The following CNGB3 variants were observed in gnomAD, a reference collection of about 807,000 sequenced individuals.
The protein encoded by CNGB3 is cyclic nucleotide gated channel subunit beta 3, also known as cyclic nucleotide-gated channel beta-3.
CNGB3 carries 86 observed loss-of-function variants against 92.8 expected under a neutral mutation model. The ratio of observed to expected loss-of-function variants is 0.93; its 90% CI spans 0.78 to 1.11. CNGB3 has a LOEUF of 1.11. CNGB3 is among the 50% of genes least tolerant of loss of function. The pLI is 0.00. For synonymous variants in CNGB3, 333 were observed against 332.7 expected (o/e 1.00, Z -0.01); for missense variants, 1,026 against 956.8 (o/e 1.07, Z -0.95).
chr8:86,661,669 CTCT>C (rs1554613573), intron 6 of CNGB3: 1 of 930,590 alleles, frequency 1.1e-6, no homozygotes, highest in Non-Finnish European at 1.8e-6. Flanking sequence ...CTCCAGCCAT[CTCT>C]TCTTCCTCTT....
chr8:86,711,791 T>C (rs1824755460), intron 3 of CNGB3, among the ~76,000 whole-genome samples: 1 of 150,742 alleles, frequency 6.6e-6, no homozygotes, highest in African/African-American at 2.4e-5. Context: ...AAAGCACAGA[T>C]GGAGGCTCTA....
chr8:86,634,890 A>G (rs751416347), intron 10 of CNGB3, among the ~76,000 whole-genome samples: 10 of 152,030 alleles, frequency 6.6e-5, no homozygotes, highest in Non-Finnish European at 1.5e-4. Context: ...GTTGAAGTTA[A>G]TATTCAAATA....
intron 6 of CNGB3, chr8:86,658,617 C>A (rs1010684852): frequency 5.7e-6 from 2 of 352,246 alleles, no homozygotes; most frequent in South Asian, 5.8e-5. Flanking sequence ...GTACTGATCT[C>A]ACTACTGCTG....
chr8:86,586,146 T>A (rs1445283870), intron 15 of CNGB3, among the ~76,000 whole-genome samples: 1 of 152,040 alleles, frequency 6.6e-6, no homozygotes, highest in Non-Finnish European at 1.5e-5. Flanking sequence ...TAGGAGTACA[T>A]AGAAATAGCA....
intron 15 of CNGB3, among the ~76,000 whole-genome samples, chr8:86,600,866 G>A (rs1034816465): frequency 3.1e-5 from 4 of 129,058 alleles, no homozygotes; most frequent in Non-Finnish European, 6.2e-5. Flanking sequence ...TCCAGGCCTT[G>A]TGATCTACCC....
At chr8:86,658,443 G>A (rs1823563372) in intron 6 of CNGB3, 3 of 421,172 alleles carry the variant, frequency 7.1e-6, no homozygotes, top group African/African-American at 6.3e-5. Flanking sequence ...GTGCTCCTGG[G>A]TCTCCTGCAA....
intron 6 of CNGB3, chr8:86,659,679 A>C: frequency 2.3e-6 from 1 of 435,402 alleles, no homozygotes; most frequent in Non-Finnish European, 4.5e-6. Flanking sequence ...ACTGCCTGGC[A>C]GCATGCTGAG....
intron 1 of CNGB3, among the ~76,000 whole-genome samples, chr8:86,741,574 G>A (rs1477517876): frequency 6.6e-6 from 1 of 152,010 alleles, no homozygotes; most frequent in Non-Finnish European, 1.5e-5. Flanking sequence ...GCTGAGGCAG[G>A]AGAATCGTTT....
chr8:86,706,070 C>T (rs1234645143), intron 3 of CNGB3, among the ~76,000 whole-genome samples: 2 of 152,136 alleles, frequency 1.3e-5, no homozygotes, highest in Non-Finnish European at 2.9e-5. Flanking sequence ...ATATAAATTA[C>T]CTGTTAATAA....
intron 3 of CNGB3, among the ~76,000 whole-genome samples, chr8:86,718,194 A>G (rs1824899788): frequency 6.6e-6 from 1 of 152,152 alleles, no homozygotes; most frequent in Non-Finnish European, 1.5e-5. Context: ...CCTGAAACAA[A>G]CAAACAAAAA....
At position 86,735,018 on chromosome 8, in the gene CNGB3, A is replaced by T. The variant is rs1183892901; in HGVS notation, c.211+4637T>A. Among the ~76,000 whole-genome samples, 12 of 130,272 alleles carry T rather than the reference A, an allele frequency of 9.2e-5. No individual in the cohort carries two copies. The Admixed American group carries it at 9.6e-4, about 10-fold the overall frequency. The allele number at this position is 130,272 out of a possible 152,430, so 85.5% of individuals were successfully genotyped here. A position where few individuals can be genotyped will look rare whatever the true frequency, so the allele number is the denominator to read the frequency against. The stretch of plus-strand genomic sequence containing the variant: ...GCAGAGTTGTGATTTGAATTCGGGC[A>T]TGTCAAATTCTCAAATGCCGGTGGT... On this transcript the variant is annotated intron_variant, in intron 2 of 17. Coordinates refer to ENST00000320005, the MANE Select transcript of CNGB3 (RefSeq NM_019098.5).
At chr8:86,716,130 C>T (rs1328538903) in intron 3 of CNGB3, among the ~76,000 whole-genome samples, 1 of 152,056 alleles carries the variant, frequency 6.6e-6, no homozygotes, top group African/African-American at 2.4e-5. Context: ...GGAGAAAGAA[C>T]TTCAGAGCTC....
intron 1 of CNGB3, among the ~76,000 whole-genome samples, chr8:86,740,772 C>T (rs189111632): frequency 6.6e-6 from 1 of 152,130 alleles, no homozygotes; most frequent in East Asian, 1.9e-4. Context: ...TTAGGCAAGG[C>T]AGCTATTATT....
In CNGB3 at chr8:86,628,961, G is replaced by C. The variant is rs774267267; in HGVS notation, c.1438C>G (p.Arg480Gly). 10 of 1,613,738 alleles carry C rather than the reference G, an allele frequency of 6.2e-6. No individual in the cohort carries two copies. Among genetic ancestry groups the C allele is most frequent in the Non-Finnish European group, 7.6e-6 (9 of 1,179,910 alleles). ...TCCCATGTATATTCATACCAAGTCC[G>C]AACTCGCTTTTGCACAAGTTTAGGA... Reference protein sequence around the residue: ...SIPKLVQKRVRTWYEYTWDSQ... With the variant: ...SIPKLVQKRVGTWYEYTWDSQ... The change falls in exon 12 of 18, where the codon CGG (arginine) becomes GGG (glycine). Residue 480 changes from arginine (R) to glycine (G), a missense_variant. Coordinates refer to ENST00000320005, the MANE Select transcript of CNGB3 (RefSeq NM_019098.5).
At chr8:86,737,559 T>A (rs777883642) in intron 2 of CNGB3, among the ~76,000 whole-genome samples, 59 of 151,762 alleles carry the variant, frequency 3.9e-4, no homozygotes, top group Non-Finnish European at 7.7e-4. Flanking sequence ...AAGATGGTAC[T>A]GGAATTTGGA....
At chr8:86,701,548 C>T (rs2957793) in intron 3 of CNGB3, among the ~76,000 whole-genome samples, 43,218 of 151,998 alleles carry the variant, frequency 0.28, 6,454 homozygotes, top group East Asian at 0.4. Flanking sequence ...AAGACAGGCT[C>T]TCTGTGGACT....
At chr8:86,586,173 A>G (rs1428079696) in intron 15 of CNGB3, among the ~76,000 whole-genome samples, 1 of 152,190 alleles carries the variant, frequency 6.6e-6, no homozygotes, top group Non-Finnish European at 1.5e-5. Flanking sequence ...ACAATGGGCT[A>G]GATACTCTGC....
chr8:86,576,133 G>A lies in CNGB3; in HGVS notation c.2104-3C>T. The A allele has an allele frequency of 6.2e-7, 1 of 1,600,908 alleles. No homozygotes were observed. The highest frequency in any genetic ancestry group is 1.3e-5 in the African/African-American group (1 of 74,402). On this transcript the variant is annotated splice_polypyrimidine_tract_variant and splice_region_variant and intron_variant, in intron 17 of 17. Coordinates refer to ENST00000320005, the MANE Select transcript of CNGB3 (RefSeq NM_019098.5). ...CCTCCTTCAGAATTTTCTTTCTTCT[G>A]GAAGGAGCAATTACAAAGAACTGGT...
At chr8:86,614,663 A>G (rs1156581365) in intron 13 of CNGB3, among the ~76,000 whole-genome samples, 1 of 152,126 alleles carries the variant, frequency 6.6e-6, no homozygotes, top group East Asian at 1.9e-4. Context: ...TGGCTATCTT[A>G]TAGGAATAAA....
Sources: allele counts gnomAD v4.1 joint callset (sites outside exome capture counted in the v4.1 genomes callset), GRCh38; gene constraint gnomAD v4.1.1; transcripts MANE v1.5; gene names NCBI Gene and HGNC (gene_info 2026-07-23, HGNC 2026-07-21).